PALM2AKAP2: variants seen among roughly 807,000 people sequenced by gnomAD.
The protein encoded by PALM2AKAP2 is PALM2-AKAP2 fusion protein.
PALM2AKAP2 carries 37 observed loss-of-function variants against 71.5 expected under a neutral mutation model. The observed-to-expected ratio is 0.52, with a 90% confidence interval of 0.40 to 0.68. PALM2AKAP2 has a LOEUF of 0.68. PALM2AKAP2 is among the 30% of genes least tolerant of loss of function. PALM2AKAP2 has a pLI of 0.00. For missense variants in PALM2AKAP2, 1,224 were observed against 1,191.8 expected (o/e 1.03, Z -0.40); for synonymous variants, 468 against 478.8 (o/e 0.98, Z 0.29).
At chr9:110,109,918 G>A (rs1046204704) in intron 1 of PALM2AKAP2, among the ~76,000 whole-genome samples, 8 of 152,312 alleles carry the variant, frequency 5.3e-5, no homozygotes, top group Non-Finnish European at 1.0e-4. Flanking sequence ...AGATCAGTAT[G>A]TTGGAGAGAG....
intron 1 of PALM2AKAP2, among the ~76,000 whole-genome samples, chr9:110,072,310 C>G (rs1043829015): frequency 6.6e-6 from 1 of 152,310 alleles, no homozygotes; most frequent in East Asian, 1.9e-4. Context: ...ATGGCGGGCT[C>G]TCTCTGGACC....
At chr9:109,795,722 A>C (rs1443415209) in intron 1 of PALM2AKAP2, among the ~76,000 whole-genome samples, 1 of 152,198 alleles carries the variant, frequency 6.6e-6, no homozygotes, top group Non-Finnish European at 1.5e-5. Context: ...ATTTCTGCGG[A>C]GATTCACTAT....
At chr9:110,016,849 A>T (rs1036765283) in intron 7 of PALM2AKAP2, among the ~76,000 whole-genome samples, 10 of 152,334 alleles carry the variant, frequency 6.6e-5, no homozygotes, top group Non-Finnish European at 1.3e-4. Context: ...AATAAGAAGT[A>T]ATGTCTTATT....
intron 1 of PALM2AKAP2, among the ~76,000 whole-genome samples, chr9:109,828,818 C>T (rs1439957526): frequency 1.3e-5 from 2 of 152,168 alleles, no homozygotes; most frequent in Non-Finnish European, 1.5e-5. Context: ...ATAATATCAG[C>T]ACGTGGATCT....
At chr9:109,697,697 G>A (rs1470982541) in intron 1 of PALM2AKAP2, among the ~76,000 whole-genome samples, 2 of 152,112 alleles carry the variant, frequency 1.3e-5, no homozygotes, top group Non-Finnish European at 1.5e-5. Flanking sequence ...GAAGTCCCTA[G>A]AGGGTGCAAA....
chr9:110,112,916 A>C (rs906921859), intron 1 of PALM2AKAP2, among the ~76,000 whole-genome samples: 1 of 152,266 alleles, frequency 6.6e-6, no homozygotes, highest in Admixed American at 6.5e-5. Context: ...AATGCCCAGC[A>C]TATCATAAAT....
intron 3 of PALM2AKAP2, among the ~76,000 whole-genome samples, chr9:109,920,095 A>G (rs1490636489): frequency 1.3e-5 from 2 of 152,156 alleles, no homozygotes; most frequent in African/African-American, 4.8e-5. Context: ...CTGCCCAGAT[A>G]AGTTATTGTC....
At chr9:109,861,836 G>T (rs1258756064) in intron 1 of PALM2AKAP2, among the ~76,000 whole-genome samples, 7 of 152,252 alleles carry the variant, frequency 4.6e-5, no homozygotes, top group Admixed American at 1.3e-4. Context: ...TGGCCAATGT[G>T]TTTTTAATAA....
chr9:109,648,992 G>T (rs1222949778), intron 1 of PALM2AKAP2, among the ~76,000 whole-genome samples: 1 of 152,032 alleles, frequency 6.6e-6, no homozygotes, highest in Non-Finnish European at 1.5e-5. Context: ...CTCTGGGAAG[G>T]TCTGAGGCTA....
intron 1 of PALM2AKAP2, among the ~76,000 whole-genome samples, chr9:110,120,700 T>A (rs1180750176): frequency 6.6e-6 from 1 of 152,244 alleles, no homozygotes; most frequent in African/African-American, 2.4e-5. Flanking sequence ...AGACAAGGTT[T>A]CACCATGTTG....
rs58922983 is a variant in PALM2AKAP2 at position 109,865,096 on chromosome 9, CTTTTTT to C, written c.46-2380_46-2375del. Among the ~76,000 whole-genome samples, 199 of 75,648 alleles carry C rather than the reference CTTTTTT, an allele frequency of 2.6e-3. 3 individuals carry two copies. The highest frequency in any genetic ancestry group is 3.7e-3 in the Non-Finnish European group (161 of 43,926). 49.6% of individuals were successfully genotyped at this position (75,648 alleles called of 152,430 possible). Reference sequence around the variant, plus strand: ...GTATCTACCTAAATCCTACTCATTCCTTTTTTTTTTTTTTTTTTTTGAGACAGAGTC... The same window carrying C: ...GTATCTACCTAAATCCTACTCATTCCTTTTTTTTTTTTTTGAGACAGAGTC... On this transcript the variant is annotated intron_variant, in intron 1 of 9. Transcript: ENST00000302798.
intron 1 of PALM2AKAP2, among the ~76,000 whole-genome samples, chr9:109,744,716 C>T (rs1828773100): frequency 6.6e-6 from 1 of 152,192 alleles, no homozygotes; most frequent in South Asian, 2.1e-4. Context: ...CAGGAATGTT[C>T]TAAGCACCCC....
chr9:109,875,624 C>T (rs766877067), intron 2 of PALM2AKAP2, among the ~76,000 whole-genome samples: 1 of 152,164 alleles, frequency 6.6e-6, no homozygotes, highest in Non-Finnish European at 1.5e-5. Context: ...CTACTCAAAT[C>T]GTGGTCCTCA....
At chr9:110,127,337 C>A (rs960344269) in intron 1 of PALM2AKAP2, among the ~76,000 whole-genome samples, 3 of 152,174 alleles carry the variant, frequency 2.0e-5, no homozygotes, top group Non-Finnish European at 4.4e-5. Context: ...GCGTTTGCCC[C>A]AGGAGTGCTT....
At chr9:109,645,549 G>GAA (rs200417685) in intron 1 of PALM2AKAP2, among the ~76,000 whole-genome samples, 125 of 122,350 alleles carry the variant, frequency 1.0e-3, no homozygotes, top group African/African-American at 3.5e-3. Context: ...CTTAGTTTAA[G>GAA]AAAAAAAAAA....
At chr9:109,870,472 C>T (rs1157259652) in intron 2 of PALM2AKAP2, among the ~76,000 whole-genome samples, 3 of 152,188 alleles carry the variant, frequency 2.0e-5, no homozygotes, top group Admixed American at 6.5e-5. Flanking sequence ...TGTTAGCCAC[C>T]GTCAGTAACA....
intron 3 of PALM2AKAP2, among the ~76,000 whole-genome samples, chr9:110,165,042 G>A (rs1345686371): frequency 6.6e-6 from 1 of 152,018 alleles, no homozygotes; most frequent in Non-Finnish European, 1.5e-5. Context: ...TTCTGGGCAA[G>A]TTACTTAACC....
At chr9:110,121,301 A>T (rs892684740) in intron 1 of PALM2AKAP2, among the ~76,000 whole-genome samples, 6 of 152,304 alleles carry the variant, frequency 3.9e-5, no homozygotes, top group East Asian at 1.9e-4. Context: ...CCATGCTGAG[A>T]TGTAGGGTCT....
At chr9:109,657,115 G>T (rs1587856290) in intron 1 of PALM2AKAP2, among the ~76,000 whole-genome samples, 1 of 152,250 alleles carries the variant, frequency 6.6e-6, no homozygotes, top group Non-Finnish European at 1.5e-5. Context: ...TCATATTAAA[G>T]GTCAGAGATG....
Sources: allele counts gnomAD v4.1 joint callset (sites outside exome capture counted in the v4.1 genomes callset), GRCh38; gene constraint gnomAD v4.1.1; transcripts MANE v1.5; gene names NCBI Gene and HGNC (gene_info 2026-07-23, HGNC 2026-07-21).